PARD3B: variants seen among roughly 807,000 people sequenced by gnomAD.
PARD3B encodes the protein par-3 family cell polarity regulator beta.
In PARD3B, 103 loss-of-function variants were observed where a neutral mutation model predicts 130.2. The ratio of observed to expected loss-of-function variants is 0.79; its 90% CI spans 0.67 to 0.93. PARD3B has a LOEUF of 0.93. PARD3B is among the 40% of genes least tolerant of loss of function. The pLI, the probability that PARD3B is intolerant of heterozygous loss-of-function variation, is 0.00. For synonymous variants in PARD3B, 583 were observed against 553.2 expected (o/e 1.05, Z -0.76); for missense variants, 1,609 against 1,499.2 (o/e 1.07, Z -1.21).
intron 5 of PARD3B, among the ~76,000 whole-genome samples, chr2:205,107,060 C>T (rs568957070): frequency 6.6e-6 from 1 of 152,300 alleles, no homozygotes; most frequent in South Asian, 2.1e-4. Flanking sequence ...TTTGGGCACG[C>T]ATCCACGTAG....
In PARD3B at chr2:205,253,387, C is replaced by A. The variant is rs1040315966; in HGVS notation, c.2185+7565C>A. 4 of 567,696 alleles carry A rather than the reference C, an allele frequency of 7.0e-6. No homozygotes were observed. The African/African-American group carries it at 7.6e-5, about 11-fold the overall frequency. 35.2% of individuals were successfully genotyped at this position (567,696 alleles called of 1,614,324 possible). A position where few individuals can be genotyped will look rare whatever the true frequency, so the allele number is the denominator to read the frequency against. On this transcript the variant is annotated intron_variant, in intron 16 of 22. Coordinates refer to ENST00000406610, the MANE Select transcript of PARD3B (RefSeq NM_001302769.2). This position sits in a 1 kb window ranked among gnomAD's most constrained non-coding sequence, Gnocchi z 4.4. ...GGACTGTGGGTCAGTGCTGACACAC[C>A]CATGGCCATACGTTTGGTCTTCTTG...
chr2:204,884,264 A>G (rs568715760), intron 2 of PARD3B, among the ~76,000 whole-genome samples: 1 of 152,336 alleles, frequency 6.6e-6, no homozygotes, highest in Non-Finnish European at 1.5e-5. Flanking sequence ...GTTACCATTG[A>G]AATAAATGAA....
chr2:205,119,545 G>A (rs2125614982), intron 7 of PARD3B, among the ~76,000 whole-genome samples: 1 of 152,202 alleles, frequency 6.6e-6, no homozygotes, highest in East Asian at 1.9e-4. Flanking sequence ...ATTTTGGGGG[G>A]CCGAGGAGGG....
chr2:204,550,386 C>T (rs180695593), intron 1 of PARD3B, among the ~76,000 whole-genome samples: 2 of 148,362 alleles, frequency 1.3e-5, no homozygotes, highest in Non-Finnish European at 3.0e-5. Flanking sequence ...TCCGCAGATG[C>T]GGAATGCATG....
At chr2:205,593,868 T>C (rs1193713191) in intron 22 of PARD3B, among the ~76,000 whole-genome samples, 1 of 152,210 alleles carries the variant, frequency 6.6e-6, no homozygotes, top group Non-Finnish European at 1.5e-5. Flanking sequence ...TGTAGCCTCA[T>C]AGACACAAGA....
chr2:204,626,426 G>T lies in PARD3B; in HGVS notation c.121-59755G>T, dbSNP rs1366231085. ...GCTTTCACATTCATCTGCTACTACTGTGGCAAATGTTTCCACCAAAAATGC... is the reference window on the plus strand; with the variant it reads ...GCTTTCACATTCATCTGCTACTACTTTGGCAAATGTTTCCACCAAAAATGC... On this transcript the variant is annotated intron_variant, in intron 1 of 22. Coordinates refer to ENST00000406610, the MANE Select transcript of PARD3B (RefSeq NM_001302769.2). 3.9e-5 allele frequency among the ~76,000 whole-genome samples: 6 copies of T among 152,134 alleles called. No individual in the cohort carries two copies. The East Asian group carries it at 1.2e-3, about 29-fold the overall frequency.
Position 205,172,376 on chromosome 2 carries a change from A to T in PARD3B, c.1786A>T (p.Met596Leu), listed in dbSNP as rs778346798. 3.7e-6 allele frequency: 6 copies of T among 1,612,550 alleles called. No homozygotes were observed. The Admixed American group carries it at 8.3e-5, about 22-fold the overall frequency. Reference sequence around the variant, plus strand: ...GATTCTGAGGAGGCCAGAGAGACCAATGGAGGTGATGCAAATCTTGATTCT... The same window carrying T: ...GATTCTGAGGAGGCCAGAGAGACCATTGGAGGTGATGCAAATCTTGATTCT... ...LVILRRPERP[M>L]EDPAECGAFS... Residue 596 changes from methionine to leucine, a missense_variant, in exon 12 of 23, where the codon ATG (methionine) becomes TTG (leucine). Physicochemically the swap from Met to Leu is conservative, Grantham distance 15. Transcript: ENST00000406610.
chr2:205,426,447 T>G (rs558879940), intron 19 of PARD3B, among the ~76,000 whole-genome samples: 115 of 152,326 alleles, frequency 7.5e-4, no homozygotes, highest in African/African-American at 2.7e-3. Context: ...AGACAAATTA[T>G]CTCTGCTGTC....
chr2:204,813,655 A>G (rs544922958), intron 2 of PARD3B, among the ~76,000 whole-genome samples: 1 of 152,196 alleles, frequency 6.6e-6, no homozygotes, highest in East Asian at 1.9e-4. Context: ...TAAGTTTTCA[A>G]ATTAGGTCAA....
chr2:204,937,944 A>T (rs1233387605), intron 2 of PARD3B, among the ~76,000 whole-genome samples: 1 of 152,222 alleles, frequency 6.6e-6, no homozygotes, highest in Non-Finnish European at 1.5e-5. Context: ...TGGAAAACTC[A>T]GGGTTATAGT....
In PARD3B at chr2:204,860,812, T is replaced by A. The variant is rs115439546; in HGVS notation, c.223-104340T>A. Among the ~76,000 whole-genome samples, 580 of 152,298 alleles carry A rather than the reference T, an allele frequency of 3.8e-3. 5 individuals carry two copies. The highest frequency in any genetic ancestry group is 0.013 in the African/African-American group (543 of 41,572). ...CATTATTTATAAAAAGTTTAATCCA[T>A]GTTTGTTTTTGATAAGTTAAAAAAA... On this transcript the variant is annotated intron_variant, in intron 2 of 22. Coordinates refer to ENST00000406610, the MANE Select transcript of PARD3B (RefSeq NM_001302769.2).
At chr2:204,597,521 CAT>C (rs1176922196) in intron 1 of PARD3B, among the ~76,000 whole-genome samples, 2 of 152,188 alleles carry the variant, frequency 1.3e-5, no homozygotes, top group South Asian at 2.1e-4. Flanking sequence ...CTACTGCTAA[CAT>C]GTGTGAATGT....
intron 2 of PARD3B, among the ~76,000 whole-genome samples, chr2:204,710,043 T>C (rs1262056271): frequency 6.6e-6 from 1 of 152,238 alleles, no homozygotes; most frequent in Non-Finnish European, 1.5e-5. Context: ...ATTAGTTTCA[T>C]TGACTCGTAG....
chr2:205,262,606 T>C (rs2040357237), intron 16 of PARD3B, among the ~76,000 whole-genome samples: 1 of 152,136 alleles, frequency 6.6e-6, no homozygotes, highest in Non-Finnish European at 1.5e-5. Flanking sequence ...CCTTTTCCTA[T>C]GACCATAAAG....
At chr2:204,619,340 A>G (rs1221952384) in intron 1 of PARD3B, among the ~76,000 whole-genome samples, 5 of 152,200 alleles carry the variant, frequency 3.3e-5, no homozygotes, top group African/African-American at 1.2e-4. Context: ...ATCATGGGCT[A>G]CTAGTGACAG....
At chr2:204,630,265 G>A (rs537010659) in intron 1 of PARD3B, among the ~76,000 whole-genome samples, 14 of 152,182 alleles carry the variant, frequency 9.2e-5, no homozygotes, top group African/African-American at 3.1e-4. Context: ...AGGGTAGTGG[G>A]GTTTGTGTGT....
chr2:204,785,277 T>TA (rs1157949227), intron 2 of PARD3B, among the ~76,000 whole-genome samples: 1 of 152,188 alleles, frequency 6.6e-6, no homozygotes, highest in Non-Finnish European at 1.5e-5. Flanking sequence ...CCTGTTTCCC[T>TA]AGGAATTATA....
At chr2:204,732,788 C>A (rs2039574340) in intron 2 of PARD3B, among the ~76,000 whole-genome samples, 1 of 152,140 alleles carries the variant, frequency 6.6e-6, no homozygotes, top group Non-Finnish European at 1.5e-5. Context: ...GGATGCTTAT[C>A]TTCACAAACC....
At chr2:205,583,193 C>T (rs1336200996) in intron 22 of PARD3B, among the ~76,000 whole-genome samples, 4 of 152,162 alleles carry the variant, frequency 2.6e-5, no homozygotes, top group African/African-American at 7.2e-5. Context: ...TTAACAAGTA[C>T]GCAGGCACTG....
Sources: gnomAD v4.1 joint callset for allele counts (sites outside exome capture counted in the v4.1 genomes callset) on GRCh38, gnomAD v4.1.1 for gene constraint, Gnocchi (gnomAD v3.1) non-coding constraint, MANE v1.5 for transcripts, NCBI Gene and HGNC (gene_info 2026-07-23, HGNC 2026-07-21) for gene names.